Variants in CSMD1 observed in about 807,000 individuals in gnomAD.
CSMD1 encodes the protein CUB and sushi domain-containing protein 1.
In CSMD1, 213 loss-of-function variants were observed where a neutral mutation model predicts 417.5. That is an observed-to-expected ratio of 0.51 (90% CI 0.46 to 0.57). The LOEUF is 0.57. Among genes scored for constraint, CSMD1 ranks in the 20% least tolerant of loss-of-function variants. The pLI is 0.00. For missense variants in CSMD1, 6,923 were observed against 4,529.7 expected (o/e 1.53, Z -15.17); for synonymous variants, 2,862 against 1,736.8 (o/e 1.65, Z -16.11).
chr8:4,866,160 C>G (rs1802408990), intron 1 of CSMD1, among the ~76,000 whole-genome samples: 1 of 151,880 alleles, frequency 6.6e-6, no homozygotes, highest in African/African-American at 2.4e-5. Context: ...AAGTTTATGA[C>G]ATCTGTTTAA....
chr8:4,372,567 T>A (rs1330745843), intron 3 of CSMD1, among the ~76,000 whole-genome samples: 1 of 151,938 alleles, frequency 6.6e-6, no homozygotes, highest in Non-Finnish European at 1.5e-5. Context: ...GAATGGCTGT[T>A]TCTAGGTTTG....
intron 3 of CSMD1, among the ~76,000 whole-genome samples, chr8:4,273,734 G>A (rs1482667201): frequency 6.6e-6 from 1 of 152,028 alleles, no homozygotes; most frequent in Non-Finnish European, 1.5e-5. Flanking sequence ...AGACCATCTG[G>A]GTCAAAACAC....
intron 26 of CSMD1, among the ~76,000 whole-genome samples, chr8:3,247,423 T>C (rs1799954421): frequency 6.6e-6 from 1 of 152,154 alleles, no homozygotes; most frequent in African/African-American, 2.4e-5. Flanking sequence ...CTTATTTCCA[T>C]GCTCCTTGTA....
In CSMD1 at chr8:3,773,088, T is replaced by A. The variant is rs57435172; in HGVS notation, c.819-19046A>T. Among the ~76,000 whole-genome samples the A allele has an allele frequency of 1.7e-3, 255 of 152,244 alleles. 1 individual carries two copies. The highest frequency in any genetic ancestry group is 5.8e-3 in the African/African-American group (239 of 41,556). ...GGGGCCTCTTCTATAAGGACACTAA[T>A]CACACTCACGAGGGCTCTGTCCTCA... On this transcript the variant is annotated intron_variant, in intron 5 of 69. Coordinates refer to ENST00000635120, the MANE Select transcript of CSMD1 (RefSeq NM_033225.6).
chr8:4,829,208 C>G (rs541510893), intron 1 of CSMD1, among the ~76,000 whole-genome samples: 384 of 152,236 alleles, frequency 2.5e-3, no homozygotes, highest in Middle Eastern at 6.8e-3. Flanking sequence ...ATAAAGACTG[C>G]TCAAGTTGTT....
At chr8:4,966,160 T>A (rs1809842623) in intron 1 of CSMD1, among the ~76,000 whole-genome samples, 1 of 143,236 alleles carries the variant, frequency 7.0e-6, no homozygotes, top group Non-Finnish European at 1.5e-5. Context: ...GGTAAGGAGT[T>A]CCAGACCAGC....
chr8:3,993,018 G>C (rs1019313386), intron 5 of CSMD1, among the ~76,000 whole-genome samples: 11 of 152,340 alleles, frequency 7.2e-5, no homozygotes, highest in South Asian at 6.2e-4. Flanking sequence ...CAAATGCTCT[G>C]TGGGTCCCTG....
chr8:4,278,577 G>A (rs1381989453), intron 3 of CSMD1, among the ~76,000 whole-genome samples: 3 of 152,152 alleles, frequency 2.0e-5, no homozygotes, highest in Non-Finnish European at 4.4e-5. Flanking sequence ...GATAACATAT[G>A]CCTATTTTTA....
chr8:3,678,265 T>C (rs1225966381), intron 7 of CSMD1, among the ~76,000 whole-genome samples: 1 of 152,160 alleles, frequency 6.6e-6, no homozygotes, highest in East Asian at 1.9e-4. Context: ...TTCGAACCCA[T>C]CGCAAAGAAG....
intron 5 of CSMD1, among the ~76,000 whole-genome samples, chr8:3,913,345 A>G (rs933008388): frequency 4.6e-5 from 7 of 152,130 alleles, no homozygotes; most frequent in East Asian, 1.9e-4. Flanking sequence ...GGCCAATCCG[A>G]TATCAGAACA....
chr8:3,015,921 T>C (rs1808790115), intron 52 of CSMD1, among the ~76,000 whole-genome samples: 2 of 152,274 alleles, frequency 1.3e-5, no homozygotes, highest in South Asian at 2.1e-4. Context: ...CCCTTGCACC[T>C]GCCCCTTGCA....
At chr8:4,923,497 T>C (rs1435420490) in intron 1 of CSMD1, among the ~76,000 whole-genome samples, 2 of 151,072 alleles carry the variant, frequency 1.3e-5, no homozygotes, top group Non-Finnish European at 3.0e-5. Context: ...GTACTTTCTC[T>C]CTAAATATAA....
At chr8:3,836,851 T>G (rs570430809) in intron 5 of CSMD1, among the ~76,000 whole-genome samples, 5 of 152,204 alleles carry the variant, frequency 3.3e-5, no homozygotes, top group Non-Finnish European at 7.3e-5. Context: ...AATATTTAAA[T>G]GTTAAGTATT....
intron 48 of CSMD1, among the ~76,000 whole-genome samples, chr8:3,090,096 C>G (rs886685931): frequency 8.6e-5 from 13 of 152,018 alleles, no homozygotes; most frequent in African/African-American, 2.9e-4. Flanking sequence ...GGCCGGATCA[C>G]AAGGTCAGGA....
In CSMD1 at chr8:4,134,657, A is replaced by C. The variant is rs1803309553; in HGVS notation, c.416-102558T>G. ...GATTCTACCTTTAAAATATATCTAGAATCATTCAAATTTTCCATCCCTACC... is the reference window on the plus strand; with the variant it reads ...GATTCTACCTTTAAAATATATCTAGCATCATTCAAATTTTCCATCCCTACC... On this transcript the variant is annotated intron_variant, in intron 3 of 69. Coordinates refer to ENST00000635120, the MANE Select transcript of CSMD1 (RefSeq NM_033225.6). Among the ~76,000 whole-genome samples the C allele has an allele frequency of 2.0e-5, 3 of 152,172 alleles. No individual in the cohort carries two copies. In the South Asian group the frequency reaches 6.2e-4, roughly 32 times the overall value.
intron 3 of CSMD1, among the ~76,000 whole-genome samples, chr8:4,053,835 T>C (rs1798558246): frequency 6.6e-6 from 1 of 152,162 alleles, no homozygotes; most frequent in Non-Finnish European, 1.5e-5. Flanking sequence ...TTCAGTAGCT[T>C]TTACTAGTAG....
intron 5 of CSMD1, among the ~76,000 whole-genome samples, chr8:3,770,066 C>T (rs141591329): frequency 1.8e-3 from 267 of 152,276 alleles, no homozygotes; most frequent in African/African-American, 6.1e-3. Context: ...GGAAGGCTTG[C>T]GTCTCTATTT....
chr8:3,526,047 G>C (rs777222078), intron 10 of CSMD1, among the ~76,000 whole-genome samples: 6 of 152,136 alleles, frequency 3.9e-5, no homozygotes, highest in Non-Finnish European at 8.8e-5. Context: ...ACAATTAATA[G>C]CCTGGGTATA....
intron 23 of CSMD1, among the ~76,000 whole-genome samples, chr8:3,319,774 T>G (rs1392844465): frequency 2.0e-5 from 3 of 152,218 alleles, no homozygotes; most frequent in Non-Finnish European, 2.9e-5. Context: ...CGGGCTATTT[T>G]TAAAGTAATT....
Sources: allele counts gnomAD v4.1 joint callset (sites outside exome capture counted in the v4.1 genomes callset), GRCh38; gene constraint gnomAD v4.1.1; transcripts MANE v1.5; gene names NCBI Gene and HGNC (gene_info 2026-07-23, HGNC 2026-07-21).